The following CLASP2 variants were observed in gnomAD, a reference collection of about 807,000 sequenced individuals.
CLASP2 encodes cytoplasmic linker associated protein 2.
CLASP2 carries 47 observed loss-of-function variants against 194.4 expected under a neutral mutation model. The observed-to-expected ratio is 0.24, with a 90% CI of 0.19 to 0.31. The LOEUF is 0.31. Among genes scored for constraint, CLASP2 ranks in the 10% least tolerant of loss-of-function variants. The pLI is 1.00. For synonymous variants in CLASP2, 619 were observed against 633.5 expected, an observed-to-expected ratio of 0.98 and a Z score of 0.34; for missense variants, 1,445 against 1,823.6, an observed-to-expected ratio of 0.79 and a Z score of 3.78.
In CLASP2 at chr3:33,607,484, A is replaced by G. The variant is rs536935771; in HGVS notation, c.1449-23T>C. 3 of 1,540,352 alleles carry G rather than the reference A, an allele frequency of 1.9e-6. No homozygotes were observed. In the African/African-American group the frequency reaches 4.1e-5, roughly 21 times the overall value. The stretch of plus-strand genomic sequence containing the variant: ...TGTCTATAAAATAAAATACATCTTT[A>G]GAGTTATGATATAGCTGTATGTTTC... On this transcript the variant is annotated intron_variant, in intron 14 of 38. Transcript: ENST00000682230.
chr3:33,606,093 T>C (rs1024295275), intron 16 of CLASP2, among the ~76,000 whole-genome samples: 7 of 151,968 alleles, frequency 4.6e-5, no homozygotes, highest in African/African-American at 9.7e-5. Flanking sequence ...CAGTAAGGAT[T>C]TGAGGTAGCC....
chr3:33,689,637 TAA>T (rs2091114512), intron 3 of CLASP2, 190 bp downstream of exon 3: 2 of 430,182 alleles, frequency 4.6e-6, no homozygotes, highest in Non-Finnish European at 8.2e-6. Context: ...AAAAAAGCAT[TAA>T]GAGTACAAAA....
At chr3:33,532,159 G>A (rs552263695) in intron 34 of CLASP2, among the ~76,000 whole-genome samples, 2 of 152,302 alleles carry the variant, frequency 1.3e-5, no homozygotes, top group African/African-American at 4.8e-5. Context: ...GCAAAATGTG[G>A]CATATACACA....
At chr3:33,711,674 G>C (rs1287224287) in intron 1 of CLASP2, among the ~76,000 whole-genome samples, 1 of 130,386 alleles carries the variant, frequency 7.7e-6, no homozygotes, top group Non-Finnish European at 1.6e-5. Context: ...AAATCAGCAA[G>C]GAAAAAAAAA....
At chr3:33,586,679 T>C (rs1193134221) in intron 21 of CLASP2, among the ~76,000 whole-genome samples, 2 of 152,116 alleles carry the variant, frequency 1.3e-5, no homozygotes, top group African/African-American at 4.8e-5. Context: ...TAAATGTAGA[T>C]TCAGAAAAGT....
intron 1 of CLASP2, among the ~76,000 whole-genome samples, chr3:33,709,865 C>A (rs933979954): frequency 6.6e-6 from 1 of 152,154 alleles, no homozygotes; most frequent in Non-Finnish European, 1.5e-5. Context: ...AAATAACTTA[C>A]TAAAAGATTT....
chr3:33,528,487 C>G (rs1208833748), intron 34 of CLASP2, among the ~76,000 whole-genome samples: 1 of 152,118 alleles, frequency 6.6e-6, no homozygotes, highest in Non-Finnish European at 1.5e-5. Flanking sequence ...CCAGGTCAGG[C>G]ATGGTGGCTC....
At chr3:33,641,265 T>C (rs2081227765) in intron 8 of CLASP2, among the ~76,000 whole-genome samples, 1 of 151,974 alleles carries the variant, frequency 6.6e-6, no homozygotes, top group Admixed American at 6.6e-5. Flanking sequence ...AATAATCAGG[T>C]ACTTTCAGCA....
intron 25 of CLASP2, among the ~76,000 whole-genome samples, chr3:33,571,139 G>A (rs1345515174): frequency 1.3e-5 from 2 of 150,532 alleles, no homozygotes; most frequent in Non-Finnish European, 3.0e-5. Flanking sequence ...TCAGCCTCCC[G>A]AGTAGCTGGG....
intron 8 of CLASP2, among the ~76,000 whole-genome samples, chr3:33,635,859 C>G (rs1488715524): frequency 6.6e-6 from 1 of 151,854 alleles, no homozygotes; most frequent in African/African-American, 2.4e-5. Context: ...AATAAAATTA[C>G]CCATAGCCCT....
chr3:33,600,153 G>A (rs1477479148), intron 18 of CLASP2, among the ~76,000 whole-genome samples: 1 of 152,080 alleles, frequency 6.6e-6, no homozygotes, highest in Non-Finnish European at 1.5e-5. Flanking sequence ...TCTGCAAAGA[G>A]AGACAGTTTG....
At chr3:33,620,465 A>G (rs2076927415) in intron 11 of CLASP2, among the ~76,000 whole-genome samples, 1 of 152,202 alleles carries the variant, frequency 6.6e-6, no homozygotes, top group Non-Finnish European at 1.5e-5. Flanking sequence ...TACTGAAAAC[A>G]TGGTTGAGAT....
Position 33,560,800 on chromosome 3 carries a change from A to G in CLASP2, c.2930+8T>C. The G allele has an allele frequency of 6.2e-7, 1 of 1,610,848 alleles. No individual in the cohort carries two copies. The highest frequency in any genetic ancestry group is 1.7e-5 in the Admixed American group (1 of 59,174). ...AGGTTAACTTGAAATATATGAAAAAAATATTACCTTGTAACATCAAGGGCT... is the reference window on the plus strand; with the variant it reads ...AGGTTAACTTGAAATATATGAAAAAGATATTACCTTGTAACATCAAGGGCT... On this transcript the variant is annotated splice_region_variant and intron_variant, in intron 28 of 38. Coordinates refer to ENST00000682230, the MANE Select transcript of CLASP2 (RefSeq NM_001365631.1).
chr3:33,531,155 C>T (rs1416057600), intron 34 of CLASP2, among the ~76,000 whole-genome samples: 1 of 152,078 alleles, frequency 6.6e-6, no homozygotes, highest in Admixed American at 6.6e-5. Flanking sequence ...ATAGAATATA[C>T]AGCCCCCAAA....
At chr3:33,671,775 G>A (rs1050737440) in intron 6 of CLASP2, among the ~76,000 whole-genome samples, 6 of 152,116 alleles carry the variant, frequency 3.9e-5, no homozygotes, top group South Asian at 2.1e-4. Context: ...AAAAAATGGC[G>A]CACCAGGAGA....
intron 38 of CLASP2, among the ~76,000 whole-genome samples, chr3:33,499,740 T>C (rs1228178803): frequency 6.6e-6 from 1 of 152,128 alleles, no homozygotes. Context: ...AACAAACAAT[T>C]GAGTACTAGG....
intron 29 of CLASP2, among the ~76,000 whole-genome samples, chr3:33,555,295 C>T (rs947267232): frequency 1.3e-5 from 2 of 150,954 alleles, no homozygotes; most frequent in African/African-American, 2.4e-5. Flanking sequence ...GTGCAGTAGA[C>T]AGGAAAAGAG....
chr3:33,689,190 A>AG (rs932692707), intron 3 of CLASP2, among the ~76,000 whole-genome samples: 1 of 151,924 alleles, frequency 6.6e-6, no homozygotes, highest in African/African-American at 2.4e-5. Context: ...AAAAAAAAAA[A>AG]TCTTAAATGT....
intron 34 of CLASP2, among the ~76,000 whole-genome samples, chr3:33,520,023 T>C (rs1022715377): frequency 1.3e-5 from 2 of 152,188 alleles, no homozygotes; most frequent in African/African-American, 4.8e-5. Flanking sequence ...CTCTCTTTTC[T>C]TTTTTTCTGA....
Sources: allele counts gnomAD v4.1 joint callset (sites outside exome capture counted in the v4.1 genomes callset), GRCh38; gene constraint gnomAD v4.1.1; transcripts MANE v1.5; gene names NCBI Gene and HGNC (gene_info 2026-07-23, HGNC 2026-07-21).